Variants in SLC24A4 observed in about 807,000 individuals in gnomAD.
SLC24A4 encodes sodium/potassium/calcium exchanger 4.
A neutral mutation model predicts 79.0 loss-of-function variants in SLC24A4; 53 were observed. That is an observed-to-expected ratio of 0.67 (90% CI 0.54 to 0.84). The LOEUF (loss-of-function observed/expected upper bound fraction) is 0.84. Among genes scored for constraint, SLC24A4 ranks in the 40% least tolerant of loss-of-function variants. The pLI is 0.00. For synonymous variants in SLC24A4, 323 were observed against 323.8 expected (o/e 1.00, Z 0.03); for missense variants, 731 against 822.0 (o/e 0.89, Z 1.35).
chr14:92,474,863 A>ATATATATATATATATATATATATATT (rs36185636), intron 12 of SLC24A4, among the ~76,000 whole-genome samples: 7 of 57,122 alleles, frequency 1.2e-4, no homozygotes, highest in Admixed American at 2.1e-4. Context: ...ATATATATAT[A>ATATATATATATATATATATATATATT]TTTTTTTTTT....
At position 92,482,603 on chromosome 14, in the gene SLC24A4, G is replaced by A. The variant is rs150327816; in HGVS notation, c.1256-77G>A. 64 of 1,392,220 alleles carry A rather than the reference G, an allele frequency of 4.6e-5. No individual in the cohort carries two copies. In the Middle Eastern group the frequency reaches 9.4e-4, roughly 20 times the overall value. The allele number at this position is 1,392,220 out of a possible 1,614,324, so 86.2% of individuals were successfully genotyped here. ...TCTTATTTAGCTTGAAGACTAAATC[G>A]ACAGGTAGACTGGCAGGTGTGTTAC... On this transcript the variant is annotated intron_variant, in intron 12 of 16. Transcript: ENST00000532405.
chr14:92,381,475 A>T (rs183160594), intron 2 of SLC24A4, among the ~76,000 whole-genome samples: 67 of 152,284 alleles, frequency 4.4e-4, no homozygotes, highest in Middle Eastern at 6.8e-3. Flanking sequence ...CAAATACCTA[A>T]TGCATGCGGG....
intron 12 of SLC24A4, among the ~76,000 whole-genome samples, chr14:92,478,365 C>T (rs2139912130): frequency 6.6e-6 from 1 of 152,180 alleles, no homozygotes; most frequent in South Asian, 2.1e-4. Flanking sequence ...TATGGGTATC[C>T]AGCTGTCTCT....
chr14:92,368,263 T>C (rs1887961941), intron 2 of SLC24A4, among the ~76,000 whole-genome samples: 1 of 152,152 alleles, frequency 6.6e-6, no homozygotes, highest in Admixed American at 6.5e-5. Context: ...TGAGTCACTA[T>C]CAGGAAAAAA....
In SLC24A4 at chr14:92,456,546, AGCC is replaced by A; in HGVS notation, c.1194_1196del (p.Pro402del). Reference sequence around the variant, plus strand: ...AATCAGGAGCAGCAGCCGCCGCCACAGCCACCACCGCCAGAGCCAGAGCCGGTG... The same window carrying A: ...AATCAGGAGCAGCAGCCGCCGCCACAACCACCGCCAGAGCCAGAGCCGGTG... On this transcript the variant is annotated inframe_deletion, in exon 12 of 17. Coordinates refer to ENST00000532405, the MANE Select transcript of SLC24A4 (RefSeq NM_153646.4). 1 of 1,613,926 alleles carries A rather than the reference AGCC, an allele frequency of 6.2e-7. No homozygotes were observed. The highest frequency in any genetic ancestry group is 8.5e-7 in the Non-Finnish European group (1 of 1,179,942).
chr14:92,424,333 A>T (rs971926832), intron 2 of SLC24A4, among the ~76,000 whole-genome samples: 1 of 152,228 alleles, frequency 6.6e-6, no homozygotes, highest in Admixed American at 6.5e-5. Context: ...CTGGAGTCTT[A>T]GTCCTTTTAG....
intron 2 of SLC24A4, among the ~76,000 whole-genome samples, chr14:92,355,599 A>T (rs935476538): frequency 2.6e-5 from 4 of 151,830 alleles, no homozygotes; most frequent in African/African-American, 9.7e-5. Flanking sequence ...CCTAAATACT[A>T]GAAGCCAATA....
intron 12 of SLC24A4, among the ~76,000 whole-genome samples, chr14:92,459,336 A>G (rs984773391): frequency 6.6e-6 from 1 of 152,176 alleles, no homozygotes; most frequent in African/African-American, 2.4e-5. Context: ...GTCACTTCCC[A>G]GGGTCAGAGG....
rs996727810 is a variant in SLC24A4 at position 92,353,118 on chromosome 14, G to A, written c.241+27140G>A. ...AGCTGCCCAAACCCCCTCCTCAAAGGCAACCCTTTAGCAGTTTGTGCATGC... is the reference window on the plus strand; with the variant it reads ...AGCTGCCCAAACCCCCTCCTCAAAGACAACCCTTTAGCAGTTTGTGCATGC... On this transcript the variant is annotated intron_variant, in intron 2 of 16. Transcript: ENST00000532405. The surrounding 1 kb of genome is among the most constrained non-coding windows in gnomAD (Gnocchi z 4.1). Among the ~76,000 whole-genome samples, 1 of 152,074 alleles carries A rather than the reference G, an allele frequency of 6.6e-6. No homozygotes were observed. The highest frequency in any genetic ancestry group is 1.5e-5 in the Non-Finnish European group (1 of 68,028).
At chr14:92,413,716 G>A (rs1018230752) in intron 2 of SLC24A4, among the ~76,000 whole-genome samples, 14 of 152,150 alleles carry the variant, frequency 9.2e-5, no homozygotes, top group African/African-American at 2.4e-4. Flanking sequence ...GCTTCCTTCC[G>A]TTCCGGGGAC....
chr14:92,410,617 C>T (rs1017210021), intron 2 of SLC24A4, among the ~76,000 whole-genome samples: 1 of 152,194 alleles, frequency 6.6e-6, no homozygotes, highest in East Asian at 1.9e-4. Flanking sequence ...CAGGCCCTCT[C>T]CCACACCCTT....
intron 2 of SLC24A4, among the ~76,000 whole-genome samples, chr14:92,362,973 C>A (rs1887622901): frequency 6.6e-6 from 1 of 152,230 alleles, no homozygotes; most frequent in South Asian, 2.1e-4. Context: ...AGGCGCTCAG[C>A]CTGCCCGACT....
At chr14:92,381,884 G>GTT (rs1193030435) in intron 2 of SLC24A4, among the ~76,000 whole-genome samples, 1 of 152,196 alleles carries the variant, frequency 6.6e-6, no homozygotes, top group Admixed American at 6.5e-5. Flanking sequence ...CCATGTGATT[G>GTT]TAAGGCGGAG....
chr14:92,389,571 CT>C (rs1889350556), intron 2 of SLC24A4, among the ~76,000 whole-genome samples: 1 of 152,162 alleles, frequency 6.6e-6, no homozygotes, highest in Non-Finnish European at 1.5e-5. Flanking sequence ...CTTTGCTGTT[CT>C]CCCTTTCCTG....
In SLC24A4 at chr14:92,334,737, T is replaced by C. The variant is rs1005433053; in HGVS notation, c.241+8759T>C. ...GTGACCCTGGACAAGTTACATAATC[T>C]TGCTAAGCATCAGGATTTCTCTTTT... On this transcript the variant is annotated intron_variant, in intron 2 of 16. Coordinates refer to ENST00000532405, the MANE Select transcript of SLC24A4 (RefSeq NM_153646.4). 2.6e-5 allele frequency among the ~76,000 whole-genome samples: 4 copies of C among 152,246 alleles called. No individual in the cohort carries two copies. The South Asian group carries it at 8.3e-4, about 32-fold the overall frequency.
At chr14:92,465,566 G>A (rs1894057143) in intron 12 of SLC24A4, among the ~76,000 whole-genome samples, 1 of 152,140 alleles carries the variant, frequency 6.6e-6, no homozygotes, top group Non-Finnish European at 1.5e-5. Flanking sequence ...GGCACCAGCC[G>A]AGGGAGCTCT....
intron 2 of SLC24A4, among the ~76,000 whole-genome samples, chr14:92,346,482 G>A (rs1053145616): frequency 2.0e-5 from 3 of 152,204 alleles, no homozygotes; most frequent in African/African-American, 7.2e-5. Flanking sequence ...AAGGATGGAA[G>A]CATCTCTCCA....
intron 14 of SLC24A4, among the ~76,000 whole-genome samples, chr14:92,491,058 T>C (rs1470375008): frequency 6.6e-6 from 1 of 152,228 alleles, no homozygotes; most frequent in Non-Finnish European, 1.5e-5. Flanking sequence ...CACACATTGT[T>C]CGAGTCACCC....
intron 2 of SLC24A4, among the ~76,000 whole-genome samples, chr14:92,390,309 C>G (rs777481566): frequency 1.3e-5 from 2 of 152,014 alleles, no homozygotes; most frequent in Non-Finnish European, 2.9e-5. Flanking sequence ...TCGAGCCTTC[C>G]CCCAAGCAGA....
Sources: allele counts gnomAD v4.1 joint callset (sites outside exome capture counted in the v4.1 genomes callset), GRCh38; gene constraint gnomAD v4.1.1; non-coding constraint Gnocchi (gnomAD v3.1); transcripts MANE v1.5; gene names NCBI Gene and HGNC (gene_info 2026-07-23, HGNC 2026-07-21).